The following PIEZO2 variants were observed in gnomAD, a reference collection of about 807,000 sequenced individuals.
PIEZO2 encodes piezo type mechanosensitive ion channel component 2, also known as piezo-type mechanosensitive ion channel component 2.
PIEZO2 carries 172 observed loss-of-function variants against 337.3 expected under a neutral mutation model. That is an observed-to-expected ratio of 0.51 (90% CI 0.45 to 0.58). The LOEUF (loss-of-function observed/expected upper bound fraction) is 0.58, where lower values mean the gene tolerates loss of function less well. Among genes scored for constraint, PIEZO2 ranks in the 20% least tolerant of loss-of-function variants. PIEZO2 has a pLI of 0.00. For missense variants in PIEZO2, 3,028 were observed against 3,391.3 expected (o/e 0.89, Z 2.66); for synonymous variants, 1,251 against 1,228.5 (o/e 1.02, Z -0.38).
chr18:10,775,747 T>C lies in PIEZO2; in HGVS notation c.2535-1709A>G, dbSNP rs1481413372. On this transcript the variant is annotated intron_variant, in intron 18 of 55. Transcript: ENST00000674853. This position sits in a 1 kb window ranked among gnomAD's most constrained non-coding sequence, Gnocchi z 4.3. ...CTGGAGTAAGCCTTTTGGAAGTAGG[T>C]CCACAAGGCTGATTTCTAGAAACTT... Among the ~76,000 whole-genome samples, 3 of 152,032 alleles carry C rather than the reference T, an allele frequency of 2.0e-5. No individual in the cohort carries two copies. The highest frequency in any genetic ancestry group is 2.1e-4 in the South Asian group (1 of 4,804).
chr18:10,675,200 C>T lies in PIEZO2; in HGVS notation c.8161+9G>A. ...AAACAATTCTGAAACAAATTTTTCT[C>T]ATTCTTACCAGATAAAAGTTGCTTT... On this transcript the variant is annotated intron_variant, in intron 54 of 55. Coordinates refer to ENST00000674853, the MANE Select transcript of PIEZO2 (RefSeq NM_001378183.1). The T allele has an allele frequency of 6.6e-7, 1 of 1,515,540 alleles. No homozygotes were observed. The highest frequency in any genetic ancestry group is 9.0e-7 in the Non-Finnish European group (1 of 1,113,028). 93.9% of individuals were successfully genotyped at this position (1,515,540 alleles called of 1,614,324 possible). A position where few individuals can be genotyped will look rare whatever the true frequency, so the allele number is the denominator to read the frequency against.
chr18:11,057,801 C>T (rs1328576787), intron 2 of PIEZO2, among the ~76,000 whole-genome samples: 4 of 152,246 alleles, frequency 2.6e-5, no homozygotes, highest in African/African-American at 9.6e-5. Flanking sequence ...ACAATACCCA[C>T]CAGTTAAGTG....
At chr18:10,679,535 AC>A (rs1307184448) in intron 52 of PIEZO2, among the ~76,000 whole-genome samples, 4 of 70,572 alleles carry the variant, frequency 5.7e-5, no homozygotes, top group Non-Finnish European at 1.4e-4. Flanking sequence ...TTTTCTAAAA[AC>A]CAGTATTAAT....
At chr18:11,018,382 C>CGTGTGTGTGTGTGTGTGT (rs376013388) in intron 2 of PIEZO2, among the ~76,000 whole-genome samples, 33 of 114,200 alleles carry the variant, frequency 2.9e-4, no homozygotes, top group East Asian at 2.2e-3. Flanking sequence ...CCCAACATGT[C>CGTGTGTGTGTGTGTGTGT]GTGTGTGTGT....
rs150081191 is a variant in PIEZO2, at chr18:10,683,443, A to G, written c.7498-1151T>C. 2.7e-3 allele frequency among the ~76,000 whole-genome samples: 406 copies of G among 152,330 alleles called. 1 individual carries two copies. Among genetic ancestry groups the G allele is most frequent in the African/African-American group, 9.1e-3 (378 of 41,574 alleles). ...GCAATGCACCCTATGGATCTGCACT[A>G]TGGAGACTGCATGAAGTTCAGATGG... On this transcript the variant is annotated intron_variant, in intron 49 of 55. Transcript: ENST00000674853.
At chr18:10,776,067 A>C (rs1248969702) in intron 18 of PIEZO2, among the ~76,000 whole-genome samples, 1 of 152,252 alleles carries the variant, frequency 6.6e-6, no homozygotes, top group African/African-American at 2.4e-5. Flanking sequence ...TGCATGAATA[A>C]AGTATACTGT....
At chr18:10,997,005 C>A (rs1405538766) in intron 2 of PIEZO2, among the ~76,000 whole-genome samples, 1 of 152,048 alleles carries the variant, frequency 6.6e-6, no homozygotes, top group Non-Finnish European at 1.5e-5. Flanking sequence ...TGTTATAAAT[C>A]AATAAGAGTC....
chr18:10,992,915 T>G (rs889289449), intron 2 of PIEZO2, among the ~76,000 whole-genome samples: 1 of 152,168 alleles, frequency 6.6e-6, no homozygotes, highest in Non-Finnish European at 1.5e-5. Context: ...TGAGCAGTGG[T>G]TTATAGTTCT....
intron 3 of PIEZO2, among the ~76,000 whole-genome samples, chr18:10,917,317 C>G (rs264281): frequency 0.64 from 97,765 of 151,984 alleles, 31,665 homozygotes; most frequent in East Asian, 0.81. Context: ...AGACAAGTTA[C>G]CCTTCAGTCT....
chr18:11,099,714 C>G lies in PIEZO2; in HGVS notation c.65-33492G>C, dbSNP rs1043486847. Among the ~76,000 whole-genome samples the G allele has an allele frequency of 2.6e-5, 4 of 152,246 alleles. No homozygotes were observed. The highest frequency in any genetic ancestry group is 9.6e-5 in the African/African-American group (4 of 41,464). On this transcript the variant is annotated intron_variant, in intron 1 of 55. Coordinates refer to ENST00000674853, the MANE Select transcript of PIEZO2 (RefSeq NM_001378183.1). The surrounding 1 kb of genome is among the most constrained non-coding windows in gnomAD (Gnocchi z 5.4). Reference sequence around the variant, plus strand: ...CCTCAGGTGATCTGCCCACCTCGGCCTCCCAAAGTACTGGGATTACAGGCG... The same window carrying G: ...CCTCAGGTGATCTGCCCACCTCGGCGTCCCAAAGTACTGGGATTACAGGCG...
Position 11,111,872 on chromosome 18 carries a change from T to A in PIEZO2, c.64+36653A>T, listed in dbSNP as rs984142191. On this transcript the variant is annotated intron_variant, in intron 1 of 55. Transcript: ENST00000674853. The surrounding 1 kb of genome is among the most constrained non-coding windows in gnomAD (Gnocchi z 6.2). ...TTAGATGTAAACAACCATGGATAGA[T>A]TATAAAGTCAAATAACAATGTGTCT... Among the ~76,000 whole-genome samples the A allele has an allele frequency of 6.6e-6, 1 of 152,186 alleles. No individual in the cohort carries two copies. The highest frequency in any genetic ancestry group is 2.4e-5 in the African/African-American group (1 of 41,440).
In PIEZO2 at chr18:11,035,690, A is replaced by G. The variant is rs1278579353; in HGVS notation, c.160+30437T>C. ...AGTCACTCTTATCCCTGAAGAATGG[A>G]CACAGAGGGTTGGAAAGTGTGATTA... is the stretch of plus-strand genomic sequence containing the variant. On this transcript the variant is annotated intron_variant, in intron 2 of 55. Coordinates refer to ENST00000674853, the MANE Select transcript of PIEZO2 (RefSeq NM_001378183.1). This position sits in a 1 kb window ranked among gnomAD's most constrained non-coding sequence, Gnocchi z 4.3. Among the ~76,000 whole-genome samples, 1 of 152,196 alleles carries G rather than the reference A, an allele frequency of 6.6e-6. No individual in the cohort carries two copies. The highest frequency in any genetic ancestry group is 2.4e-5 in the African/African-American group (1 of 41,454).
At chr18:10,782,998 T>C (rs1379990480) in intron 17 of PIEZO2, among the ~76,000 whole-genome samples, 2 of 152,154 alleles carry the variant, frequency 1.3e-5, no homozygotes, top group African/African-American at 4.8e-5. Flanking sequence ...TGGTGAATTA[T>C]ATCTCTGTTT....
intron 47 of PIEZO2, among the ~76,000 whole-genome samples, chr18:10,692,630 C>G (rs754754586): frequency 1.3e-5 from 2 of 152,104 alleles, no homozygotes; most frequent in Non-Finnish European, 2.9e-5. Context: ...ACTGTTCTGT[C>G]TTCACTGGAT....
intron 1 of PIEZO2, among the ~76,000 whole-genome samples, chr18:11,075,349 T>A (rs376550608): frequency 3.9e-5 from 6 of 152,288 alleles, no homozygotes; most frequent in African/African-American, 1.4e-4. Flanking sequence ...CAACCATAGA[T>A]TTTTTCCTGA....
chr18:10,700,075 T>C (rs922063651), intron 43 of PIEZO2, among the ~76,000 whole-genome samples: 5 of 151,418 alleles, frequency 3.3e-5, no homozygotes, highest in African/African-American at 1.2e-4. Context: ...CTTATAAACA[T>C]AACAAACATT....
chr18:10,921,921 A>C (rs2031443244), intron 3 of PIEZO2, among the ~76,000 whole-genome samples: 2 of 152,270 alleles, frequency 1.3e-5, no homozygotes, highest in South Asian at 2.1e-4. Flanking sequence ...CTTATTAGGA[A>C]GAGGAAATTC....
At position 10,929,335 on chromosome 18, in the gene PIEZO2, T is replaced by A. The variant is rs2031947593; in HGVS notation, c.287-18107A>T. On this transcript the variant is annotated intron_variant, in intron 3 of 55. Transcript: ENST00000674853. The surrounding 1 kb of genome is among the most constrained non-coding windows in gnomAD (Gnocchi z 5.6). ...GCTGCATGCATGGGTACCCCACATA[T>A]GCTGTTGTGACTGAGGCAATTCATA... Among the ~76,000 whole-genome samples, 1 of 152,194 alleles carries A rather than the reference T, an allele frequency of 6.6e-6. No individual in the cohort carries two copies. The highest frequency in any genetic ancestry group is 1.5e-5 in the Non-Finnish European group (1 of 68,022).
chr18:10,803,049 C>G (rs2039880546), intron 9 of PIEZO2, among the ~76,000 whole-genome samples: 1 of 151,930 alleles, frequency 6.6e-6, no homozygotes, highest in Non-Finnish European at 1.5e-5. Context: ...TCAGACTCAA[C>G]CAGTGTAGTC....
Sources: allele counts gnomAD v4.1 joint callset (sites outside exome capture counted in the v4.1 genomes callset), GRCh38; gene constraint gnomAD v4.1.1; non-coding constraint Gnocchi (gnomAD v3.1); transcripts MANE v1.5; gene names NCBI Gene and HGNC (gene_info 2026-07-23, HGNC 2026-07-21).